The following OXR1 variants were observed in gnomAD, a reference collection of about 807,000 sequenced individuals.
The protein encoded by OXR1 is oxidation resistance protein 1.
Under a neutral mutation model 104.6 loss-of-function variants are expected in OXR1, and 41 were observed. The ratio of observed to expected loss-of-function variants is 0.39; its 90% CI spans 0.31 to 0.51. The LOEUF is 0.51. Among genes scored for constraint, OXR1 ranks in the 20% least tolerant of loss-of-function variants. The probability of loss-of-function intolerance (pLI) is 0.77; values close to 1 mark genes in which losing one functional copy is unlikely to be tolerated. For synonymous variants in OXR1, 348 were observed against 348.4 expected (o/e 1.00, Z 0.01); for missense variants, 955 against 1,031.9 (o/e 0.93, Z 1.02).
chr8:106,567,238 G>T (rs749791527), intron 3 of OXR1, among the ~76,000 whole-genome samples: 21 of 152,142 alleles, frequency 1.4e-4, no homozygotes, highest in Non-Finnish European at 2.5e-4. Flanking sequence ...ATACATGCTT[G>T]CTGTGTACAT....
chr8:106,330,217 C>G (rs1029127886), intron 1 of OXR1, among the ~76,000 whole-genome samples: 1 of 152,224 alleles, frequency 6.6e-6, no homozygotes, highest in Non-Finnish European at 1.5e-5. Flanking sequence ...TTGCTGAAGA[C>G]TGTAACAAAT....
intron 2 of OXR1, among the ~76,000 whole-genome samples, chr8:106,481,899 A>G (rs1165538251): frequency 6.6e-6 from 1 of 152,038 alleles, no homozygotes; most frequent in Admixed American, 6.6e-5. Context: ...ATTTTCCTAT[A>G]TACTTATAAT....
chr8:106,679,258 C>T lies in OXR1; in HGVS notation c.269C>T (p.Ser90Phe). The T allele has an allele frequency of 6.2e-7, 1 of 1,610,158 alleles. No individual in the cohort carries two copies. Among genetic ancestry groups the T allele is most frequent in the Non-Finnish European group, 8.5e-7 (1 of 1,177,178 alleles). The change falls in exon 4 of 17, where the codon TCT (serine) becomes TTT (phenylalanine). Residue 90 changes from serine to phenylalanine, a missense_variant. By Grantham distance (155) the Ser-to-Phe change is radical. Transcript: ENST00000517566. ...GACAAGAAAGATGGAAGACGAATGTCTTTTCAGAAACCTAAAGGGACTATT... is the reference window on the plus strand; with the variant it reads ...GACAAGAAAGATGGAAGACGAATGTTTTTTCAGAAACCTAAAGGGACTATT... ...TLDKKDGRRMSFQKPKGTIEY... is the reference protein window; with the variant it reads ...TLDKKDGRRMFFQKPKGTIEY...
chr8:106,578,705 A>G (rs1392399344), intron 3 of OXR1, among the ~76,000 whole-genome samples: 1 of 152,248 alleles, frequency 6.6e-6, no homozygotes, highest in Non-Finnish European at 1.5e-5. Flanking sequence ...GTTGTAAAAT[A>G]CAATTATTAA....
chr8:106,368,558 A>AC (rs1049981632), intron 2 of OXR1, among the ~76,000 whole-genome samples: 4 of 141,080 alleles, frequency 2.8e-5, no homozygotes, highest in African/African-American at 1.1e-4. Context: ...CTCAACCCCC[A>AC]CCCCCCAACA....
chr8:106,745,429 AAAAGTT>A (rs1350751179), intron 15 of OXR1, among the ~76,000 whole-genome samples: 3 of 152,366 alleles, frequency 2.0e-5, no homozygotes, highest in Admixed American at 6.5e-5. Context: ...GTTTAATGGT[AAAAGTT>A]AATGGCATTT....
intron 3 of OXR1, among the ~76,000 whole-genome samples, chr8:106,623,793 A>G (rs1250248723): frequency 6.6e-6 from 1 of 152,228 alleles, no homozygotes; most frequent in Non-Finnish European, 1.5e-5. Context: ...TAGAATAGAA[A>G]TTACAGGAAA....
chr8:106,647,965 T>C (rs1008612572), intron 3 of OXR1, among the ~76,000 whole-genome samples: 3 of 152,368 alleles, frequency 2.0e-5, no homozygotes, highest in Non-Finnish European at 2.9e-5. Flanking sequence ...GCTTAAAGAT[T>C]TGCAGATGTG....
At chr8:106,665,655 AGTG>A (rs1476993805) in intron 3 of OXR1, among the ~76,000 whole-genome samples, 1 of 152,192 alleles carries the variant, frequency 6.6e-6, no homozygotes, top group Non-Finnish European at 1.5e-5. Flanking sequence ...TTAAAAGTAA[AGTG>A]ACTGCAGATA....
At chr8:106,502,923 A>G (rs1437908893) in intron 2 of OXR1, among the ~76,000 whole-genome samples, 1 of 152,208 alleles carries the variant, frequency 6.6e-6, no homozygotes, top group Non-Finnish European at 1.5e-5. Flanking sequence ...ATCCACACGA[A>G]TATTAGAACT....
intron 3 of OXR1, among the ~76,000 whole-genome samples, chr8:106,652,725 A>G (rs563725473): frequency 3.4e-4 from 51 of 151,894 alleles, no homozygotes; most frequent in Non-Finnish European, 2.7e-4. Context: ...GCGGGGGGAA[A>G]TAGAAGATAC....
intron 1 of OXR1, among the ~76,000 whole-genome samples, chr8:106,334,642 C>A (rs778036389): frequency 2.0e-5 from 3 of 152,112 alleles, no homozygotes; most frequent in Non-Finnish European, 2.9e-5. Flanking sequence ...CTGGGGCAAC[C>A]ACTAACAAAA....
Position 106,713,824 on chromosome 8 carries a change from A to T in OXR1, c.1795A>T (p.Thr599Ser). The T allele has an allele frequency of 6.5e-7, 1 of 1,547,026 alleles. No individual in the cohort carries two copies. The stretch of plus-strand genomic sequence containing the variant: ...ATTAATAGTCACTTCTCCTAACAGG[A>T]CAGATCACTTGTATGCCTTCTTCAT... ...EYWFAVPQER[T>S]DHLYAFFIQW... Residue 599 changes from threonine (T) to serine (S), a missense_variant and splice_region_variant, in exon 11 of 17, where the codon ACA becomes TCA. Around this residue, in one of 2 missense-constraint regions of OXR1, gnomAD observed 849 missense variants for 852.9 expected, o/e 1.00. Coordinates refer to ENST00000517566, the MANE Select transcript of OXR1 (RefSeq NM_001198533.2).
At chr8:106,317,096 TC>T (rs1813998802) in intron 1 of OXR1, among the ~76,000 whole-genome samples, 1 of 152,156 alleles carries the variant, frequency 6.6e-6, no homozygotes, top group Non-Finnish European at 1.5e-5. Context: ...AAAAATGGCA[TC>T]AAGCCTCAAT....
At position 106,516,320 on chromosome 8, in the gene OXR1, T is replaced by C. The variant is rs147509069; in HGVS notation, c.24-2623T>C. On this transcript the variant is annotated intron_variant, in intron 2 of 16. Transcript: ENST00000517566. Reference sequence around the variant, plus strand: ...TTTACTGTGCTTGATTTTAATCCACTGCACTTTTTGCCACCTAATTTGTTA... The same window carrying C: ...TTTACTGTGCTTGATTTTAATCCACCGCACTTTTTGCCACCTAATTTGTTA... 1.3e-4 allele frequency among the ~76,000 whole-genome samples: 20 copies of C among 152,294 alleles called. No homozygotes were observed. The East Asian group carries it at 3.5e-3, about 26-fold the overall frequency.
chr8:106,321,581 G>T (rs755549804), intron 1 of OXR1, among the ~76,000 whole-genome samples: 1 of 152,178 alleles, frequency 6.6e-6, no homozygotes, highest in Non-Finnish European at 1.5e-5. Context: ...GATGTTGAGT[G>T]AGCAGTGAGA....
At chr8:106,518,369 T>C (rs978152611) in intron 2 of OXR1, among the ~76,000 whole-genome samples, 3 of 152,218 alleles carry the variant, frequency 2.0e-5, no homozygotes, top group Non-Finnish European at 4.4e-5. Context: ...AGGGAAATAT[T>C]TCCTGGATAG....
intron 1 of OXR1, among the ~76,000 whole-genome samples, chr8:106,295,553 A>AT (rs1812959791): frequency 6.6e-6 from 1 of 152,140 alleles, no homozygotes; most frequent in South Asian, 2.1e-4. Context: ...GGGATCTAGT[A>AT]ATTTTTTTCT....
At chr8:106,695,648 G>T (rs1270070266) in intron 7 of OXR1, among the ~76,000 whole-genome samples, 6 of 152,050 alleles carry the variant, frequency 3.9e-5, no homozygotes, top group Admixed American at 2.6e-4. Flanking sequence ...TCGAACTGCT[G>T]ACCTCGTGAT....
Sources: allele counts gnomAD v4.1 joint callset (sites outside exome capture counted in the v4.1 genomes callset), GRCh38; gene constraint gnomAD v4.1.1; regional missense constraint gnomAD v4.1.1; transcripts MANE v1.5; gene names NCBI Gene and HGNC (gene_info 2026-07-23, HGNC 2026-07-21).